The following PPFIA2 variants were observed in gnomAD, a reference collection of about 807,000 sequenced individuals.
PPFIA2 encodes liprin-alpha-2.
In PPFIA2, 46 loss-of-function variants were observed where a neutral mutation model predicts 175.5. The ratio of observed to expected loss-of-function variants is 0.26; its 90% CI spans 0.21 to 0.34. The LOEUF (loss-of-function observed/expected upper bound fraction) is 0.34. Among genes scored for constraint, PPFIA2 ranks in the 10% least tolerant of loss-of-function variants. PPFIA2 has a pLI of 1.00. For missense variants in PPFIA2, 1,179 were observed against 1,506.1 expected, an observed-to-expected ratio of 0.78 and a Z score of 3.60; for synonymous variants, 568 against 511.4, an observed-to-expected ratio of 1.11 and a Z score of -1.49.
chr12:81,487,609 C>T (rs556489055), intron 4 of PPFIA2, among the ~76,000 whole-genome samples: 1 of 151,776 alleles, frequency 6.6e-6, no homozygotes, highest in African/African-American at 2.4e-5. Context: ...CTATAGGTAC[C>T]GATATTGCCA....
intron 3 of PPFIA2, among the ~76,000 whole-genome samples, chr12:81,742,246 A>C (rs1325930886): frequency 6.6e-6 from 1 of 152,188 alleles, no homozygotes; most frequent in Non-Finnish European, 1.5e-5. Flanking sequence ...TATGAAACAA[A>C]CTCTGACTTA....
chr12:81,551,243 A>T (rs894250731), intron 4 of PPFIA2, among the ~76,000 whole-genome samples: 4 of 151,974 alleles, frequency 2.6e-5, no homozygotes, highest in African/African-American at 9.7e-5. Flanking sequence ...TGAATGGCAA[A>T]TGAAATTCTG....
chr12:81,278,856 C>A (rs571759760), intron 27 of PPFIA2, among the ~76,000 whole-genome samples: 1 of 152,274 alleles, frequency 6.6e-6, no homozygotes, highest in African/African-American at 2.4e-5. Context: ...CAAATTTAGA[C>A]ATACACATTG....
intron 4 of PPFIA2, among the ~76,000 whole-genome samples, chr12:81,483,668 T>C (rs1433277972): frequency 6.6e-6 from 1 of 151,992 alleles, no homozygotes; most frequent in Non-Finnish European, 1.5e-5. Context: ...AAAAGGTGAA[T>C]TTTATGCTAT....
At chr12:81,449,565 C>T (rs61934733) in intron 5 of PPFIA2, among the ~76,000 whole-genome samples, 28 of 151,650 alleles carry the variant, frequency 1.8e-4, no homozygotes, top group African/African-American at 2.7e-4. Context: ...CCAGGGACCC[C>T]GGATTTTATC....
rs372837379 is a variant in PPFIA2 at position 81,286,055 on chromosome 12, G to A, written c.2926-1752C>T. Among the ~76,000 whole-genome samples the A allele has an allele frequency of 2.6e-5, 4 of 152,024 alleles. No homozygotes were observed. In the South Asian group the frequency reaches 8.3e-4, roughly 32 times the overall value. On this transcript the variant is annotated intron_variant, in intron 24 of 32. Coordinates refer to ENST00000549396, the MANE Select transcript of PPFIA2 (RefSeq NM_003625.5). ...TAGGCCTATAGTGATTTTTGTGTTT[G>A]TGTCTTAGTTTGTAACGAAAAAGCT...
chr12:81,275,588 G>A (rs1333526311), intron 28 of PPFIA2, among the ~76,000 whole-genome samples: 1 of 152,076 alleles, frequency 6.6e-6, no homozygotes, highest in African/African-American at 2.4e-5. Flanking sequence ...CTTAAAAGAA[G>A]TGAAGATGAA....
chr12:81,395,001 G>A (rs2040853211), intron 8 of PPFIA2, among the ~76,000 whole-genome samples: 1 of 151,914 alleles, frequency 6.6e-6, no homozygotes. Context: ...AGCTTTATAT[G>A]TCTTGGACAA....
rs532528031 is a variant in PPFIA2, at chr12:81,735,597, T to C, written c.249+18376A>G. 3.3e-5 allele frequency among the ~76,000 whole-genome samples: 5 copies of C among 151,932 alleles called. No individual in the cohort carries two copies. The South Asian group carries it at 1.0e-3, about 31-fold the overall frequency. ...TAAGTTTTTTTTATTTTGATGAAGTTCTATTTATAATTTTTTTTGTGGATT... is the reference window on the plus strand; with the variant it reads ...TAAGTTTTTTTTATTTTGATGAAGTCCTATTTATAATTTTTTTTGTGGATT... On this transcript the variant is annotated intron_variant, in intron 3 of 32. Coordinates refer to ENST00000549396, the MANE Select transcript of PPFIA2 (RefSeq NM_003625.5).
rs1187616229 is a variant in PPFIA2 at position 81,367,091 on chromosome 12, A to G, written c.1545+17T>C. 2 of 1,461,272 alleles carry G rather than the reference A, an allele frequency of 1.4e-6. No individual in the cohort carries two copies. The highest frequency in any genetic ancestry group is 1.8e-6 in the Non-Finnish European group (2 of 1,102,046). 90.5% of individuals were successfully genotyped at this position (1,461,272 alleles called of 1,614,324 possible). On this transcript the variant is annotated intron_variant, in intron 14 of 32. Transcript: ENST00000549396. ...TAAAAATAGAAAATGGGCCCAAAAC[A>G]TAAGTTTCCATTATACCTTATCATG...
intron 4 of PPFIA2, among the ~76,000 whole-genome samples, chr12:81,462,562 A>G: frequency 1.1e-5 from 1 of 91,360 alleles, no homozygotes; most frequent in East Asian, 3.1e-4. Flanking sequence ...GTGTGTGTAT[A>G]TATATGTGTA....
intron 4 of PPFIA2, among the ~76,000 whole-genome samples, chr12:81,608,884 G>C (rs1464085512): frequency 6.6e-6 from 1 of 151,890 alleles, no homozygotes; most frequent in Non-Finnish European, 1.5e-5. Flanking sequence ...TGCAAAGTTA[G>C]AGTGCTAATT....
chr12:81,398,162 G>C (rs960392774), intron 8 of PPFIA2, among the ~76,000 whole-genome samples: 7 of 152,050 alleles, frequency 4.6e-5, no homozygotes, highest in African/African-American at 1.7e-4. Flanking sequence ...CACAAAACTG[G>C]TTCCTGTTGC....
chr12:81,362,253 T>A (rs2031050859), intron 15 of PPFIA2, among the ~76,000 whole-genome samples: 1 of 151,296 alleles, frequency 6.6e-6, no homozygotes, highest in African/African-American at 2.4e-5. Context: ...CAATAATATT[T>A]GTTTAGTCAC....
At chr12:81,551,602 T>C (rs1021309610) in intron 4 of PPFIA2, among the ~76,000 whole-genome samples, 3 of 151,944 alleles carry the variant, frequency 2.0e-5, no homozygotes, top group Admixed American at 2.0e-4. Flanking sequence ...GGATTTTGGT[T>C]TCTGAGGGGT....
chr12:81,749,768 G>A (rs1280349138), intron 3 of PPFIA2, among the ~76,000 whole-genome samples: 1 of 144,058 alleles, frequency 6.9e-6, no homozygotes, highest in African/African-American at 2.4e-5. Context: ...CCTATGAGGT[G>A]TTAGTATTAA....
intron 19 of PPFIA2, among the ~76,000 whole-genome samples, chr12:81,342,776 A>G (rs182925790): frequency 8.0e-4 from 122 of 152,042 alleles, no homozygotes; most frequent in Non-Finnish European, 1.5e-3. Context: ...AAGCATGGCC[A>G]TTTTTGCTGT....
intron 4 of PPFIA2, among the ~76,000 whole-genome samples, chr12:81,515,172 T>C (rs1346923208): frequency 1.3e-5 from 2 of 151,984 alleles, no homozygotes; most frequent in East Asian, 3.8e-4. Flanking sequence ...ATACTTTATT[T>C]ATAATGAACA....
chr12:81,308,070 C>A (rs1165797343), intron 22 of PPFIA2, among the ~76,000 whole-genome samples: 2 of 152,118 alleles, frequency 1.3e-5, no homozygotes, highest in Non-Finnish European at 2.9e-5. Flanking sequence ...ATTATACTTT[C>A]ACTTAAAATT....
Sources: gnomAD v4.1 joint callset for allele counts (sites outside exome capture counted in the v4.1 genomes callset) on GRCh38, gnomAD v4.1.1 for gene constraint, MANE v1.5 for transcripts, NCBI Gene and HGNC (gene_info 2026-07-23, HGNC 2026-07-21) for gene names.